The following CNTNAP5 variants were observed in gnomAD, a reference collection of about 807,000 sequenced individuals.
CNTNAP5 encodes the protein contactin associated protein family member 5.
In CNTNAP5, 72 loss-of-function variants were observed where a neutral mutation model predicts 150.2. The observed-to-expected ratio is 0.48, with a 90% confidence interval of 0.40 to 0.58. The LOEUF (loss-of-function observed/expected upper bound fraction) is 0.58, where lower values mean the gene tolerates loss of function less well. Ranked by LOEUF, CNTNAP5 falls within the 20% of genes least tolerant of loss-of-function variation. The pLI is 0.00. For missense variants in CNTNAP5, 1,636 were observed against 1,626.2 expected (o/e 1.01, Z -0.10); for synonymous variants, 672 against 619.8 (o/e 1.08, Z -1.25).
chr2:124,043,720 TCAGTGAAGTTTACAA>T (rs1183291494), intron 1 of CNTNAP5, among the ~76,000 whole-genome samples: 1 of 152,176 alleles, frequency 6.6e-6, no homozygotes, highest in Non-Finnish European at 1.5e-5. Context: ...GAGAGAAGAT[TCAGTGAAGTTTACAA>T]CAACATAAAC....
chr2:124,612,909 C>G (rs1365410389), intron 12 of CNTNAP5, among the ~76,000 whole-genome samples: 1 of 151,964 alleles, frequency 6.6e-6, no homozygotes, highest in East Asian at 1.9e-4. Context: ...AAAAATTAGC[C>G]AGGTATTGTG....
chr2:124,473,497 A>G (rs1693567451), intron 6 of CNTNAP5, among the ~76,000 whole-genome samples: 3 of 152,068 alleles, frequency 2.0e-5, no homozygotes, highest in Non-Finnish European at 2.9e-5. Context: ...TGCATTAAGA[A>G]ACACTTTTTT....
At chr2:124,475,486 C>T (rs959001910) in intron 7 of CNTNAP5, among the ~76,000 whole-genome samples, 1 of 152,044 alleles carries the variant, frequency 6.6e-6, no homozygotes, top group African/African-American at 2.4e-5. Context: ...GCTCAATAAA[C>T]GTGTTGATGT....
In CNTNAP5 at chr2:124,215,243, A is replaced by G. The variant is rs898597363; in HGVS notation, c.83-6462A>G. 9.9e-5 allele frequency among the ~76,000 whole-genome samples: 15 copies of G among 152,200 alleles called. 1 individual carries two copies. Among genetic ancestry groups the G allele is most frequent in the Admixed American group, 9.8e-4 (15 of 15,272 alleles). ...TCTTTTAAGCTCCAAATCCCCACAT[A>G]CAGACAATTTACCGTGGTAATCAAG... is the stretch of plus-strand genomic sequence containing the variant. On this transcript the variant is annotated intron_variant, in intron 1 of 23. Transcript: ENST00000682447.
rs150781145 is a variant in CNTNAP5, at chr2:124,914,024, G to A, written c.3728-68G>A. 4,253 of 1,157,664 alleles carry A rather than the reference G, an allele frequency of 3.7e-3. 15 individuals are homozygous for A. The highest frequency in any genetic ancestry group is 5.2e-3 in the Middle Eastern group (25 of 4,804). 71.7% of individuals were successfully genotyped at this position (1,157,664 alleles called of 1,614,324 possible). ...CCTACGCATTCCCCTCATCTGGAGG[G>A]AATCCACTCTCCTGAGCAGATGACT... On this transcript the variant is annotated intron_variant, in intron 23 of 23. Transcript: ENST00000682447.
intron 19 of CNTNAP5, among the ~76,000 whole-genome samples, chr2:124,822,015 ATCT>A (rs1682502124): frequency 1.3e-5 from 2 of 152,090 alleles, no homozygotes; most frequent in Non-Finnish European, 1.5e-5. Context: ...TTACTGACTG[ATCT>A]TCATGTTGTG....
At chr2:124,566,808 C>T (rs1433981510) in intron 11 of CNTNAP5, among the ~76,000 whole-genome samples, 3 of 152,168 alleles carry the variant, frequency 2.0e-5, no homozygotes, top group Non-Finnish European at 4.4e-5. Context: ...CATCAGCAAG[C>T]TTGTGCCTCA....
chr2:124,342,759 G>T (rs1449616426), intron 3 of CNTNAP5, among the ~76,000 whole-genome samples: 2 of 152,058 alleles, frequency 1.3e-5, no homozygotes, highest in Non-Finnish European at 2.9e-5. Context: ...GCTATAGAAA[G>T]TTTAAAAGAA....
intron 1 of CNTNAP5, among the ~76,000 whole-genome samples, chr2:124,215,712 CAAAAAAAA>C (rs397985759): frequency 1.2e-5 from 1 of 82,058 alleles, no homozygotes; most frequent in African/African-American, 4.4e-5. Flanking sequence ...AGAAGAAAGG[CAAAAAAAA>C]AAAAAAAAAA....
chr2:124,744,730 A>G lies in CNTNAP5; in HGVS notation c.2078-2499A>G, dbSNP rs141157027. Among the ~76,000 whole-genome samples, 19 of 152,280 alleles carry G rather than the reference A, an allele frequency of 1.2e-4. No individual in the cohort carries two copies. The East Asian group carries it at 3.7e-3, about 29-fold the overall frequency. ...GGAAAGAAAAAGTTCAATTTCTGCA[A>G]TGGCCAAAATTTACAGCCTAGGTTG... On this transcript the variant is annotated intron_variant, in intron 13 of 23. Coordinates refer to ENST00000682447, the MANE Select transcript of CNTNAP5 (RefSeq NM_001367498.1).
intron 19 of CNTNAP5, among the ~76,000 whole-genome samples, chr2:124,816,054 G>T (rs74588899): frequency 6.6e-6 from 1 of 152,134 alleles, no homozygotes; most frequent in Non-Finnish European, 1.5e-5. Context: ...TGTTTATAGG[G>T]GTCTGTGTCT....
intron 21 of CNTNAP5, among the ~76,000 whole-genome samples, chr2:124,902,042 G>A (rs559604264): frequency 3.3e-5 from 5 of 152,158 alleles, no homozygotes; most frequent in Admixed American, 6.5e-5. Flanking sequence ...ATCTCGGTAC[G>A]TGAAGACTAT....
intron 1 of CNTNAP5, among the ~76,000 whole-genome samples, chr2:124,145,811 T>TAAAAAAAAAAAAAAAAAAAAAGAA (rs761766577): frequency 7.8e-5 from 1 of 12,790 alleles, no homozygotes; most frequent in Admixed American, 1.1e-3. Context: ...AAAAAAAACA[T>TAAAAAAAAAAAAAAAAAAAAAGAA]TAAAAAAAAA....
chr2:124,744,392 G>A (rs1680563369), intron 13 of CNTNAP5, among the ~76,000 whole-genome samples: 1 of 152,048 alleles, frequency 6.6e-6, no homozygotes, highest in African/African-American at 2.4e-5. Context: ...AAATTACCCA[G>A]TCTTAGGTGT....
At chr2:124,710,811 T>C (rs977428792) in intron 13 of CNTNAP5, among the ~76,000 whole-genome samples, 11 of 152,096 alleles carry the variant, frequency 7.2e-5, no homozygotes, top group Admixed American at 5.2e-4. Context: ...AGCCTGACTT[T>C]TCTGTGACAG....
At position 124,242,192 on chromosome 2, in the gene CNTNAP5, T is replaced by G; in HGVS notation, c.188-8T>G. 1 of 1,576,782 alleles carries G rather than the reference T, an allele frequency of 6.3e-7. No homozygotes were observed. The highest frequency in any genetic ancestry group is 8.6e-7 in the Non-Finnish European group (1 of 1,160,072). ...AACTCTCTCTCACTCTCTCTGATCC[T>G]GTTCCAGGAACTGGCGGTTGGTCCC... On this transcript the variant is annotated splice_polypyrimidine_tract_variant and splice_region_variant and intron_variant, in intron 2 of 23. Transcript: ENST00000682447.
At chr2:124,183,729 C>A (rs1484354672) in intron 1 of CNTNAP5, among the ~76,000 whole-genome samples, 1 of 152,100 alleles carries the variant, frequency 6.6e-6, no homozygotes, top group African/African-American at 2.4e-5. Flanking sequence ...TACATTCATT[C>A]AAAACCCATT....
chr2:124,398,177 C>T (rs1691306303), intron 3 of CNTNAP5, among the ~76,000 whole-genome samples: 4 of 152,142 alleles, frequency 2.6e-5, no homozygotes. Flanking sequence ...AGGGCAGTGG[C>T]CCTCAAAGTA....
intron 6 of CNTNAP5, among the ~76,000 whole-genome samples, chr2:124,448,658 T>A (rs866138539): frequency 5.9e-5 from 9 of 152,196 alleles, no homozygotes; most frequent in African/African-American, 2.2e-4. Flanking sequence ...TGTTTTTTTA[T>A]GATGTGTGAG....
Sources: gnomAD v4.1 joint callset for allele counts (sites outside exome capture counted in the v4.1 genomes callset) on GRCh38, gnomAD v4.1.1 for gene constraint, MANE v1.5 for transcripts, NCBI Gene and HGNC (gene_info 2026-07-23, HGNC 2026-07-21) for gene names.